Variants in RP1 observed in about 807,000 individuals in gnomAD.
The protein encoded by RP1 is oxygen-regulated protein 1.
RP1 carries 16 observed loss-of-function variants against 14.8 expected under a neutral mutation model. That is an observed-to-expected ratio of 1.08 (90% CI 0.73 to 1.65). The LOEUF (loss-of-function observed/expected upper bound fraction) is 1.65, where lower values mean the gene tolerates loss of function less well. Ranked by LOEUF, RP1 falls within the 40% of genes most tolerant of loss-of-function variation. The pLI, the probability that RP1 is intolerant of heterozygous loss-of-function variation, is 0.00. For missense variants in RP1, 2,631 were observed against 2,535.0 expected (o/e 1.04, Z -0.81); for synonymous variants, 876 against 883.6 (o/e 0.99, Z 0.15).
At chr8:54,574,251 G>A (rs1804594482) in intron 1 of RP1, among the ~76,000 whole-genome samples, 1 of 152,134 alleles carries the variant, frequency 6.6e-6, no homozygotes, top group Admixed American at 6.6e-5. Flanking sequence ...ATAACAGGGA[G>A]GCTCCAGGTG....
At chr8:54,692,683 ATTTG>A (rs1330673044) in intron 12 of RP1, among the ~76,000 whole-genome samples, 2 of 141,302 alleles carry the variant, frequency 1.4e-5, no homozygotes, top group African/African-American at 5.5e-5. Flanking sequence ...TTTCTTGTAA[ATTTG>A]TTTGAGTTCA....
At chr8:54,661,289 A>AAATGATATATATATGATATATC (rs148679901) in intron 6 of RP1, among the ~76,000 whole-genome samples, 74,638 of 132,248 alleles carry the variant, frequency 0.56, 23,078 homozygotes, top group African/African-American at 0.77. Context: ...TATGATATAT[A>AAATGATATATATATGATATATC]AATGATATAT....
At chr8:54,568,239 G>A (rs959559376) in intron 1 of RP1, among the ~76,000 whole-genome samples, 1 of 152,144 alleles carries the variant, frequency 6.6e-6, no homozygotes, top group Non-Finnish European at 1.5e-5. Context: ...ACAGTGACAT[G>A]GTGACAGGTG....
intron 17 of RP1, among the ~76,000 whole-genome samples, chr8:54,728,688 T>C (rs898537244): frequency 2.0e-5 from 3 of 152,166 alleles, no homozygotes; most frequent in Non-Finnish European, 4.4e-5. Context: ...AGTAGTTAAG[T>C]AGAGATATAG....
downstream of RP1, chr8:54,770,172 A>G (rs1023852921): frequency 2.5e-6 from 1 of 401,744 alleles, no homozygotes; most frequent in African/African-American, 2.1e-5. Context: ...CAAATGGTAA[A>G]TGTTGTTGCC....
intron 27 of RP1, chr8:54,857,214 A>G (rs930321816): frequency 3.5e-6 from 1 of 287,284 alleles, no homozygotes; most frequent in Non-Finnish European, 6.2e-6. Flanking sequence ...AAATTCAGAT[A>G]AGAAAATAAT....
At chr8:54,697,815 T>C (rs1011643806) in intron 12 of RP1, among the ~76,000 whole-genome samples, 53 of 152,070 alleles carry the variant, frequency 3.5e-4, no homozygotes, top group Non-Finnish European at 5.4e-4. Context: ...TAATAAATGG[T>C]GCTGGGAAAA....
intron 25 of RP1, among the ~76,000 whole-genome samples, chr8:54,843,847 A>G (rs1418056707): frequency 1.3e-5 from 2 of 152,154 alleles, no homozygotes; most frequent in Non-Finnish European, 1.5e-5. Context: ...GGGGCACCTG[A>G]GGAGTCCCTG....
chr8:54,689,427 G>A (rs1054953961), intron 12 of RP1, among the ~76,000 whole-genome samples: 4 of 152,076 alleles, frequency 2.6e-5, no homozygotes, highest in Admixed American at 6.6e-5. Flanking sequence ...AATTTAAAGG[G>A]ATTAGCATTC....
intron 24 of RP1, among the ~76,000 whole-genome samples, chr8:54,832,183 T>G (rs530577454): frequency 7.6e-4 from 115 of 151,914 alleles, no homozygotes; most frequent in African/African-American, 2.7e-3. Flanking sequence ...TGGGTTGCTG[T>G]TTTTCACCAA....
chr8:54,807,163 T>A (rs1810872135), intron 24 of RP1, among the ~76,000 whole-genome samples: 1 of 152,180 alleles, frequency 6.6e-6, no homozygotes, highest in South Asian at 2.1e-4. Flanking sequence ...AGGTAACTTG[T>A]AAGGAGCAAT....
intron 3 of RP1, among the ~76,000 whole-genome samples, chr8:54,645,708 A>G (rs1806531745): frequency 6.6e-6 from 1 of 152,196 alleles, no homozygotes; most frequent in South Asian, 2.1e-4. Context: ...TTCTCATACA[A>G]TGAGTTGGGA....
intron 1 of RP1, among the ~76,000 whole-genome samples, chr8:54,595,500 C>T (rs1190944571): frequency 6.6e-6 from 1 of 152,168 alleles, no homozygotes; most frequent in African/African-American, 2.4e-5. Flanking sequence ...TGTGTCATCT[C>T]CTCTTAGCAA....
chr8:54,666,913 T>C (rs1160239439), intron 7 of RP1, among the ~76,000 whole-genome samples: 1 of 151,854 alleles, frequency 6.6e-6, no homozygotes, highest in Non-Finnish European at 1.5e-5. Flanking sequence ...AGTTAGGTTT[T>C]CTCCTCCACA....
At chr8:54,858,183 T>A (rs1427012191) in intron 27 of RP1, among the ~76,000 whole-genome samples, 1 of 152,112 alleles carries the variant, frequency 6.6e-6, no homozygotes, top group African/African-American at 2.4e-5. Context: ...GTGGCCATAG[T>A]GACAGAAACC....
Position 54,731,889 on chromosome 8 carries a change from G to A in RP1, c.2522-2656G>A, listed in dbSNP as rs147622182. Among the ~76,000 whole-genome samples, 97 of 152,116 alleles carry A rather than the reference G, an allele frequency of 6.4e-4. 1 individual carries two copies. Among genetic ancestry groups the A allele is most frequent in the African/African-American group, 2.3e-3 (95 of 41,500 alleles). ...TCTAGTGTCTATTGTTTGTTCACTG[G>A]CCTTCTTACCTCAGTCTGTCCCTGC... On this transcript the variant is annotated intron_variant, in intron 17 of 22. Transcript: ENST00000636932.
downstream of RP1, among the ~76,000 whole-genome samples, chr8:54,631,671 C>CTTT (rs77435572): frequency 3.2e-4 from 46 of 145,344 alleles, no homozygotes; most frequent in African/African-American, 1.2e-3. Flanking sequence ...CTTTTTACTA[C>CTTT]TTTTTTTTTT....
rs869320728 is a variant in RP1, at chr8:54,625,339, G to GTGAA, written c.1458_1461dup (p.Glu488Ter). The stretch of plus-strand genomic sequence containing the variant: ...AAAATGATTGGACAGTTTTCATATA[G>GTGAA]TGAAGAAAGGGAAAGTGGGGAAAAC... On this transcript the variant is annotated frameshift_variant, in exon 4 of 4. Coordinates refer to ENST00000220676, the MANE Select transcript of RP1 (RefSeq NM_006269.2). LOFTEE classifies it low-confidence loss of function (END_TRUNC). The GTGAA allele has an allele frequency of 1.9e-6, 3 of 1,614,158 alleles. No homozygotes were observed. In the South Asian group the frequency reaches 3.3e-5, roughly 18 times the overall value.
rs72650372 is a variant in RP1, at chr8:54,842,771, C to T, written c.3835+5102C>T. Among the ~76,000 whole-genome samples the T allele has an allele frequency of 9.2e-3, 1,398 of 152,274 alleles. 9 individuals carry two copies. The highest frequency in any genetic ancestry group is 0.015 in the Non-Finnish European group (1,033 of 68,020). On this transcript the variant is annotated intron_variant, in intron 25 of 28. Coordinates refer to the RP1 transcript ENST00000637698. ...AAGTCATCACAATGTCCTACAAGGA[C>T]CTACTTGTGTCCCGCCACCACCTGC...
Sources: allele counts gnomAD v4.1 joint callset (sites outside exome capture counted in the v4.1 genomes callset), GRCh38; gene constraint gnomAD v4.1.1; transcripts MANE v1.5; gene names NCBI Gene and HGNC (gene_info 2026-07-23, HGNC 2026-07-21).